Variants in MAPK9 observed in about 807,000 individuals in gnomAD.
The protein encoded by MAPK9 is mitogen-activated protein kinase 9.
MAPK9 carries 30 observed loss-of-function variants against 57.1 expected under a neutral mutation model. The ratio of observed to expected loss-of-function variants is 0.53; its 90% CI spans 0.39 to 0.71. The LOEUF (loss-of-function observed/expected upper bound fraction) is 0.71. MAPK9 is among the 30% of genes least tolerant of loss of function. The pLI is 0.00. For missense variants in MAPK9, 362 were observed against 521.0 expected (o/e 0.69, Z 2.97); for synonymous variants, 155 against 177.0 (o/e 0.88, Z 0.99).
chr5:180,260,247 G>C (rs367959969), intron 5 of MAPK9, among the ~76,000 whole-genome samples: 124 of 152,118 alleles, frequency 8.2e-4, no homozygotes, highest in Middle Eastern at 3.4e-3. Flanking sequence ...GTTTCTCTCC[G>C]GCACATTGAA....
At chr5:180,284,072 G>C (rs556589277) in intron 1 of MAPK9, among the ~76,000 whole-genome samples, 10 of 152,228 alleles carry the variant, frequency 6.6e-5, no homozygotes, top group Non-Finnish European at 1.2e-4. Context: ...GCAAGAGAAA[G>C]AAACTTAAGG....
rs1244742150 is a variant in MAPK9 at position 180,253,961 on chromosome 5, C to CT, written c.451-4824dup. Among the ~76,000 whole-genome samples the CT allele has an allele frequency of 5.6e-3, 433 of 77,746 alleles. 2 individuals carry two copies. Among genetic ancestry groups the CT allele is most frequent in the South Asian group, 0.02 (49 of 2,426 alleles). 51.0% of individuals were successfully genotyped at this position (77,746 alleles called of 152,430 possible). A position where few individuals can be genotyped will look rare whatever the true frequency, so the allele number is the denominator to read the frequency against. ...TCCAGTCAGCCTTTAATGCTTCAATCTCTTTTTTTTTTTTTTTTTTTTGAG... is the reference window on the plus strand; with the variant it reads ...TCCAGTCAGCCTTTAATGCTTCAATCTTCTTTTTTTTTTTTTTTTTTTTGAG... On this transcript the variant is annotated intron_variant, in intron 5 of 11. Coordinates refer to ENST00000452135, the MANE Select transcript of MAPK9 (RefSeq NM_002752.5).
At chr5:180,287,738 T>C (rs1272103053) in intron 1 of MAPK9, among the ~76,000 whole-genome samples, 4 of 152,174 alleles carry the variant, frequency 2.6e-5, no homozygotes, top group Admixed American at 6.5e-5. Flanking sequence ...ACATGTTTCC[T>C]CCTCCAGCCT....
intron 1 of MAPK9, among the ~76,000 whole-genome samples, chr5:180,282,723 T>C (rs899297854): frequency 6.6e-6 from 1 of 152,294 alleles, no homozygotes; most frequent in East Asian, 1.9e-4. Context: ...GCTGTTCCTC[T>C]GCTATGCCGT....
chr5:180,251,866 T>C (rs886503862), intron 5 of MAPK9, among the ~76,000 whole-genome samples: 2 of 152,088 alleles, frequency 1.3e-5, no homozygotes, highest in African/African-American at 2.4e-5. Flanking sequence ...CCCGCTCAAC[T>C]CTGGGATCCA....
At chr5:180,242,504 C>T in intron 8 of MAPK9, 69 bp downstream of exon 8, 1 of 1,423,798 alleles carries the variant, frequency 7.0e-7, no homozygotes, top group Admixed American at 2.0e-5. Flanking sequence ...TTTTAGAATA[C>T]AAACATGAAA....
At chr5:180,238,482 C>G in intron 10 of MAPK9, 79 bp from the exon 11 acceptor site, 1 of 1,026,000 alleles carries the variant, frequency 9.7e-7, no homozygotes, top group South Asian at 1.3e-5. Flanking sequence ...GCTTCCAAAT[C>G]AACTGGAACA....
chr5:180,281,278 T>C (rs1278255354), intron 1 of MAPK9, among the ~76,000 whole-genome samples: 1 of 152,228 alleles, frequency 6.6e-6, no homozygotes, highest in African/African-American at 2.4e-5. Context: ...TGAAGAACTC[T>C]GCTGTGACTG....
In MAPK9 at chr5:180,247,191, G is replaced by T; in HGVS notation, c.688+248C>A. On this transcript the variant is annotated intron_variant, in intron 7 of 11. Coordinates refer to ENST00000452135, the MANE Select transcript of MAPK9 (RefSeq NM_002752.5). The surrounding 1 kb of genome is among the most constrained non-coding windows in gnomAD (Gnocchi z 4.5). ...CCAGCTATTTTTGGCAAAATTAAGA[G>T]CTAATATAATCGGTTTAACTGAACT... is the stretch of plus-strand genomic sequence containing the variant. The T allele has an allele frequency of 1.9e-6, 1 of 534,430 alleles. No homozygotes were observed. Among genetic ancestry groups the T allele is most frequent in the Non-Finnish European group, 3.3e-6 (1 of 304,458 alleles). 33.1% of individuals were successfully genotyped at this position (534,430 alleles called of 1,614,324 possible).
intron 2 of MAPK9, chr5:180,280,136 T>C: frequency 2.1e-6 from 1 of 472,798 alleles, no homozygotes; most frequent in East Asian, 5.2e-5. Context: ...TACAACTCAC[T>C]GTCATACCTA....
chr5:180,244,494 G>C (rs1053948679), intron 7 of MAPK9, among the ~76,000 whole-genome samples: 1 of 152,000 alleles, frequency 6.6e-6, no homozygotes, highest in Non-Finnish European at 1.5e-5. Context: ...AAGAGCTGTC[G>C]GTCGGGCTCA....
At chr5:180,278,658 C>G (rs1006016206) in intron 2 of MAPK9, among the ~76,000 whole-genome samples, 1 of 152,086 alleles carries the variant, frequency 6.6e-6, no homozygotes, top group African/African-American at 2.4e-5. Context: ...GAGATCGCGC[C>G]ACTGCACTCC....
At chr5:180,284,372 G>A (rs1762564200) in intron 1 of MAPK9, among the ~76,000 whole-genome samples, 1 of 152,194 alleles carries the variant, frequency 6.6e-6, no homozygotes, top group Admixed American at 6.5e-5. Flanking sequence ...CGCCCGCCAG[G>A]CTGCACTGTC....
At chr5:180,286,136 ATTCT>A (rs1450490090) in intron 1 of MAPK9, among the ~76,000 whole-genome samples, 1 of 136,572 alleles carries the variant, frequency 7.3e-6, no homozygotes, top group Non-Finnish European at 1.5e-5. Context: ...GTAATTCTTT[ATTCT>A]TTCTTTTCTT....
In MAPK9 at chr5:180,239,914, C is replaced by T; in HGVS notation, c.1060+10G>A. 1 of 1,611,152 alleles carries T rather than the reference C, an allele frequency of 6.2e-7. No homozygotes were observed. The highest frequency in any genetic ancestry group is 8.5e-7 in the Non-Finnish European group (1 of 1,177,480). ...TCAAAAGGAAGGATCAAAATAAGCT[C>T]CATCTTTACCTTTCCATTCTTCAAT... On this transcript the variant is annotated intron_variant, in intron 10 of 11. Coordinates refer to ENST00000452135, the MANE Select transcript of MAPK9 (RefSeq NM_002752.5).
Position 180,247,579 on chromosome 5 carries a change from C to G in MAPK9, c.617-69G>C, listed in dbSNP as rs1043188949. 1.0e-5 allele frequency: 14 copies of G among 1,341,762 alleles called. No homozygotes were observed. The African/African-American group carries it at 1.9e-4, about 18-fold the overall frequency. The allele number at this position is 1,341,762 out of a possible 1,614,324, so 83.1% of individuals were successfully genotyped here. ...AAAACAAAAGTGAGGAAAAGGAATT[C>G]TAACAGTGCACTAAACACACAAATA... On this transcript the variant is annotated intron_variant, in intron 6 of 11. Coordinates refer to ENST00000452135, the MANE Select transcript of MAPK9 (RefSeq NM_002752.5). This position sits in a 1 kb window ranked among gnomAD's most constrained non-coding sequence, Gnocchi z 4.5.
intron 8 of MAPK9, among the ~76,000 whole-genome samples, chr5:180,241,736 C>A (rs1347570307): frequency 6.6e-6 from 1 of 152,258 alleles, no homozygotes; most frequent in African/African-American, 2.4e-5. Context: ...GAGCACCAGG[C>A]AGCCTCAGAC....
At chr5:180,250,640 T>C (rs1026924291) in intron 5 of MAPK9, among the ~76,000 whole-genome samples, 2 of 152,118 alleles carry the variant, frequency 1.3e-5, no homozygotes, top group Non-Finnish European at 2.9e-5. Context: ...ATTTCGACAT[T>C]GACAACAGGT....
chr5:180,259,377 C>G (rs752387207), intron 5 of MAPK9, among the ~76,000 whole-genome samples: 1 of 107,112 alleles, frequency 9.3e-6, no homozygotes, highest in Non-Finnish European at 2.0e-5. Context: ...ACCCTTTGAC[C>G]GTAAGGGATG....
Sources: gnomAD v4.1 joint callset for allele counts (sites outside exome capture counted in the v4.1 genomes callset) on GRCh38, gnomAD v4.1.1 for gene constraint, Gnocchi (gnomAD v3.1) non-coding constraint, MANE v1.5 for transcripts, NCBI Gene and HGNC (gene_info 2026-07-23, HGNC 2026-07-21) for gene names.